Variants in RBSN observed in about 807,000 individuals in gnomAD.
RBSN encodes rabenosyn-5.
A neutral mutation model predicts 60.5 loss-of-function variants in RBSN; 34 were observed. The ratio of observed to expected loss-of-function variants is 0.56; its 90% CI spans 0.43 to 0.75. The LOEUF is 0.75. Ranked by LOEUF, RBSN falls within the 30% of genes least tolerant of loss-of-function variation. The pLI, the probability that RBSN is intolerant of heterozygous loss-of-function variation, is 0.00. For synonymous variants in RBSN, 322 were observed against 366.9 expected, an observed-to-expected ratio of 0.88 and a Z score of 1.40; for missense variants, 845 against 986.8, an observed-to-expected ratio of 0.86 and a Z score of 1.92.
In RBSN at chr3:15,097,907, T is replaced by C. The variant is rs562828122; in HGVS notation, c.-345+212A>G. Among the ~76,000 whole-genome samples, 29 of 152,236 alleles carry C rather than the reference T, an allele frequency of 1.9e-4. No individual in the cohort carries two copies. In the South Asian group the frequency reaches 2.5e-3, roughly 13 times the overall value. ...TAAGAAACCCAGTGACTTCATAACTTTTCCACTGGAATATAGCAGCCCTAG... is the reference window on the plus strand; with the variant it reads ...TAAGAAACCCAGTGACTTCATAACTCTTCCACTGGAATATAGCAGCCCTAG... On this transcript the variant is annotated intron_variant, in intron 2 of 13. Transcript: ENST00000253699.
chr3:15,097,808 C>T (rs1333246718), intron 2 of RBSN, among the ~76,000 whole-genome samples: 1 of 152,094 alleles, frequency 6.6e-6, no homozygotes, highest in African/African-American at 2.4e-5. Flanking sequence ...CTGCCTGGTC[C>T]TCAAAGCTGA....
chr3:15,074,403 G>A lies in RBSN; in HGVS notation c.1734C>T (p.Ser578=), dbSNP rs148292653. Residue 578 remains serine (S), a synonymous_variant, in exon 14 of 14, where the codon TCC becomes TCT. Coordinates refer to ENST00000253699, the MANE Select transcript of RBSN (RefSeq NM_022340.4). This position sits in a 1 kb window ranked among gnomAD's most constrained non-coding sequence, Gnocchi z 6.4. ...HLAYALDLGS[S]PVPSSTAPKT... is the part of the protein sequence containing the mutation. Reference sequence around the variant, plus strand: ...TGGGAGCTGTGCTGCTTGGAACTGGGGAAGAGCCTAGATCCAAAGCATAAG... The same window carrying A: ...TGGGAGCTGTGCTGCTTGGAACTGGAGAAGAGCCTAGATCCAAAGCATAAG... The A allele has an allele frequency of 1.7e-5, 28 of 1,614,132 alleles. No homozygotes were observed. The East Asian group carries it at 4.2e-4, about 24-fold the overall frequency.
rs200401444 is a variant in RBSN at position 15,073,980 on chromosome 3, G to A, written c.2157C>T (p.Pro719=). 1.2e-6 allele frequency: 2 copies of A among 1,613,934 alleles called. No individual in the cohort carries two copies. The highest frequency in any genetic ancestry group is 2.7e-5 in the African/African-American group (2 of 74,864). The change falls in exon 14 of 14, where the codon CCC becomes CCT. Residue 719 remains proline, a synonymous_variant. Coordinates refer to ENST00000253699, the MANE Select transcript of RBSN (RefSeq NM_022340.4). ...GCCCACTGTCACTGTCCATCTCAAA[G>A]GGGTTGATACAGGTGGGTTCCTCAA... is the stretch of plus-strand genomic sequence containing the variant. ...NPFEEPTCIN[P]FEMDSDSGPE...
chr3:15,082,680 G>A lies in RBSN; in HGVS notation c.599-72C>T. 1 of 1,558,182 alleles carries A rather than the reference G, an allele frequency of 6.4e-7. No individual in the cohort carries two copies. Among genetic ancestry groups the A allele is most frequent in the Non-Finnish European group, 8.7e-7 (1 of 1,148,860 alleles). On this transcript the variant is annotated intron_variant, in intron 8 of 13. Transcript: ENST00000253699. The surrounding 1 kb of genome is among the most constrained non-coding windows in gnomAD (Gnocchi z 4.2). ...ATTACCATACCCACGACCTCAAGGT[G>A]TCAGTCCACAGGTGTTTGATTTGGA...
intron 10 of RBSN, among the ~76,000 whole-genome samples, chr3:15,079,521 C>G (rs2043148517): frequency 6.6e-6 from 1 of 151,962 alleles, no homozygotes; most frequent in Non-Finnish European, 1.5e-5. Context: ...TTTATAACAG[C>G]CAAAAGTGGA....
chr3:15,073,732 A>G lies in RBSN; in HGVS notation c.*50T>C. The G allele has an allele frequency of 6.5e-7, 1 of 1,548,148 alleles. No homozygotes were observed. Among genetic ancestry groups the G allele is most frequent in the Non-Finnish European group, 8.7e-7 (1 of 1,150,376 alleles). On this transcript the variant is annotated 3_prime_UTR_variant, in exon 14 of 14. Coordinates refer to ENST00000253699, the MANE Select transcript of RBSN (RefSeq NM_022340.4). ...TCCTGCCTGCCCTCTGTCCTGCTCC[A>G]CTGGCTCCTGCCAGACCCCTGGGCC...
rs139253887 is a variant in RBSN at position 15,080,795 on chromosome 3, C to T, written c.848G>A (p.Arg283Gln). 27 of 1,614,014 alleles carry T rather than the reference C, an allele frequency of 1.7e-5. No individual in the cohort carries two copies. Among genetic ancestry groups the T allele is most frequent in the South Asian group, 7.7e-5 (7 of 91,070 alleles). The change falls in exon 10 of 14, where the codon CGA becomes CAA. Residue 283 changes from arginine (R) to glutamine (Q), a missense_variant. Coordinates refer to ENST00000253699, the MANE Select transcript of RBSN (RefSeq NM_022340.4). ...PDIVKLYEKLRLCMEKVDQKA... is the reference protein window; with the variant it reads ...PDIVKLYEKLQLCMEKVDQKA... ...CTGGTCAACTTTCTCCATGCAAAGT[C>T]GTAATTTCTAAGAACAAAAACAAAG...
chr3:15,083,036 C>CT (rs1307382590), intron 8 of RBSN, among the ~76,000 whole-genome samples: 1 of 152,176 alleles, frequency 6.6e-6, no homozygotes, highest in Non-Finnish European at 1.5e-5. Flanking sequence ...TTTTGGAGCA[C>CT]TTTCCACTCT....
intron 4 of RBSN, among the ~76,000 whole-genome samples, chr3:15,093,406 C>CA (rs1263056251): frequency 6.6e-6 from 1 of 152,028 alleles, no homozygotes; most frequent in Non-Finnish European, 1.5e-5. Context: ...AGGGAAAAAC[C>CA]AAGAGGATCT....
rs112329027 is a variant in RBSN, at chr3:15,078,132, T to C, written c.941A>G (p.His314Arg). ...NAGETTYSLEHASDLRVEVQK... is the reference protein window; with the variant it reads ...NAGETTYSLERASDLRVEVQK... ...CACTTCCACTCGAAGGTCACTGGCA[T>C]GTTCCAGACTGTAGGTTGTCTCCCC... Residue 314 changes from histidine to arginine, a missense_variant, in exon 11 of 14, where the codon CAT becomes CGT. Physicochemically the swap from His to Arg is conservative, Grantham distance 29. Coordinates refer to ENST00000253699, the MANE Select transcript of RBSN (RefSeq NM_022340.4). 30 of 1,614,072 alleles carry C rather than the reference T, an allele frequency of 1.9e-5. No homozygotes were observed. The highest frequency in any genetic ancestry group is 2.5e-5 in the Non-Finnish European group (30 of 1,180,030).
rs141307283 is a variant in RBSN at position 15,085,203 on chromosome 3, G to C, written c.391-158C>G. Among the ~76,000 whole-genome samples, 307 of 152,186 alleles carry C rather than the reference G, an allele frequency of 2.0e-3. 1 individual carries two copies. Among genetic ancestry groups the C allele is most frequent in the African/African-American group, 7.0e-3 (291 of 41,496 alleles). ...AAATCACAAAAACAATTTCACATGG[G>C]ACAGGGTATTAGTTTTGCATCTAGA... On this transcript the variant is annotated intron_variant, in intron 6 of 13. Coordinates refer to ENST00000253699, the MANE Select transcript of RBSN (RefSeq NM_022340.4).
intron 4 of RBSN, 156 bp downstream of exon 4, chr3:15,095,817 G>T: frequency 1.1e-6 from 1 of 910,182 alleles, no homozygotes; most frequent in Non-Finnish European, 1.7e-6. Context: ...AATAAACAGG[G>T]AAACTCTGAA....
intron 4 of RBSN, 110 bp downstream of exon 4, chr3:15,095,863 T>C: frequency 7.0e-7 from 1 of 1,423,530 alleles, no homozygotes; most frequent in South Asian, 1.2e-5. Context: ...GTCATCTGTT[T>C]GCTACTACTA....
In RBSN at chr3:15,082,369, C is replaced by A; in HGVS notation, c.838G>T (p.Glu280Ter). 6.2e-7 allele frequency: 1 copy of A among 1,612,104 alleles called. No individual in the cohort carries two copies. Among genetic ancestry groups the A allele is most frequent in the Non-Finnish European group, 8.5e-7 (1 of 1,178,234 alleles). ...EHTPDIVKLY[E>*]KLRLCMEKVD... The stretch of plus-strand genomic sequence containing the variant: ...CAAGACCAGACAGCGCGAATCACCT[C>A]GTAGAGCTTCACGATGTCAGGTGTG... The change falls in exon 9 of 14, where the codon GAG (glutamate) becomes TAG (stop). Residue 280 changes from glutamate to a stop codon, truncating the protein, a stop_gained and splice_region_variant. Transcript: ENST00000253699. LOFTEE classifies it high-confidence loss of function. The surrounding 1 kb of genome is among the most constrained non-coding windows in gnomAD (Gnocchi z 4.2).
Position 15,080,723 on chromosome 3 carries a change from A to C in RBSN, c.911+9T>G. 1 of 1,612,710 alleles carries C rather than the reference A, an allele frequency of 6.2e-7. No individual in the cohort carries two copies. The highest frequency in any genetic ancestry group is 8.5e-7 in the Non-Finnish European group (1 of 1,179,124). ...CACTGGATTAGAAAAACATAGATGA[A>C]TAGCTTACTTTAATGATGCTGCCAT... On this transcript the variant is annotated intron_variant, in intron 10 of 13. Transcript: ENST00000253699.
intron 12 of RBSN, among the ~76,000 whole-genome samples, chr3:15,076,447 G>T (rs1166758929): frequency 2.2e-5 from 3 of 138,560 alleles, no homozygotes; most frequent in Admixed American, 7.2e-5. Flanking sequence ...TTTAATAAAA[G>T]AAAAAAAAAA....
At chr3:15,098,671 A>G (rs2043740283) in intron 1 of RBSN, among the ~76,000 whole-genome samples, 1 of 152,088 alleles carries the variant, frequency 6.6e-6, no homozygotes, top group Admixed American at 6.5e-5. Flanking sequence ...CGTGAAGCAG[A>G]CATGACAACG....
chr3:15,089,471 A>AT (rs1559350598), intron 5 of RBSN, among the ~76,000 whole-genome samples: 1 of 109,178 alleles, frequency 9.2e-6, no homozygotes, highest in East Asian at 2.1e-4. Context: ...AAAAAAAAAA[A>AT]AAAAAACAAA....
At chr3:15,078,976 T>G (rs1238568524) in intron 10 of RBSN, among the ~76,000 whole-genome samples, 1 of 151,758 alleles carries the variant, frequency 6.6e-6, no homozygotes, top group Non-Finnish European at 1.5e-5. Context: ...CTAGATACCA[T>G]AATTAATTCT....
Sources: allele counts gnomAD v4.1 joint callset (sites outside exome capture counted in the v4.1 genomes callset), GRCh38; gene constraint gnomAD v4.1.1; non-coding constraint Gnocchi (gnomAD v3.1); transcripts MANE v1.5; gene names NCBI Gene and HGNC (gene_info 2026-07-23, HGNC 2026-07-21).